The following CFAP263 variants were observed in gnomAD, a reference collection of about 807,000 sequenced individuals.
The protein encoded by CFAP263 is cilia and flagella associated protein 263, also known as cilia- and flagella-associated protein 263.
At chr16:58,252,618 A>T in the CFAP263 span, 3 of 877,808 alleles carry the variant, frequency 3.4e-6, no homozygotes, top group Non-Finnish European at 5.4e-6. Context: ...TGAGGAAACT[A>T]AGGCACCAAG....
chr16:58,282,993 G>A, the CFAP263 span: 3 of 152,350 alleles, frequency 2.0e-5, no homozygotes, highest in African/African-American at 7.2e-5. Context: ...AAGCACAAGA[G>A]GCAGAGGCGA....
the CFAP263 span, among the ~76,000 whole-genome samples, chr16:58,251,431 G>T: frequency 6.6e-6 from 1 of 152,108 alleles, no homozygotes; most frequent in Non-Finnish European, 1.5e-5. Flanking sequence ...TCGCTCTGTC[G>T]CCCAGGCTGA....
chr16:58,278,451 C>T, the CFAP263 span: 58 of 1,604,836 alleles, frequency 3.6e-5, 2 homozygotes, highest in Non-Finnish European at 2.1e-5. Context: ...TGCTGGGGTT[C>T]CCTGGGTGTA....
the CFAP263 span, among the ~76,000 whole-genome samples, chr16:58,268,699 G>A: frequency 6.6e-6 from 1 of 152,118 alleles, no homozygotes; most frequent in Non-Finnish European, 1.5e-5. Context: ...AGTACAGAGT[G>A]GCAAGTAGCA....
the CFAP263 span, chr16:58,278,562 C>G: frequency 6.2e-7 from 1 of 1,614,074 alleles, no homozygotes. Flanking sequence ...TGATGACTTA[C>G]GTCCGGGAGA....
the CFAP263 span, among the ~76,000 whole-genome samples, chr16:58,253,735 C>T: frequency 6.6e-6 from 1 of 152,206 alleles, no homozygotes; most frequent in African/African-American, 2.4e-5. Flanking sequence ...AGCCTTTCCA[C>T]CTTCAAGACG....
At chr16:58,265,335 CAG>C in the CFAP263 span, among the ~76,000 whole-genome samples, 2 of 152,190 alleles carry the variant, frequency 1.3e-5, no homozygotes, top group Admixed American at 1.3e-4. Flanking sequence ...TTTGAAAGAA[CAG>C]AGTTTCTCTG....
At chr16:58,279,674 CTT>C in the CFAP263 span, 11,130 of 1,357,136 alleles carry the variant, frequency 8.2e-3, 6 homozygotes, top group South Asian at 0.011. Context: ...TTCTTTTTTT[CTT>C]TTTTTTTTTT....
the CFAP263 span, chr16:58,278,492 A>G: frequency 3.1e-6 from 5 of 1,614,082 alleles, no homozygotes; most frequent in Admixed American, 8.3e-5. Flanking sequence ...GACCGGGCCA[A>G]AGCCGAGGCA....
the CFAP263 span, among the ~76,000 whole-genome samples, chr16:58,276,532 T>C: frequency 6.6e-6 from 1 of 152,166 alleles, no homozygotes; most frequent in Non-Finnish European, 1.5e-5. Context: ...ACCTACTAGA[T>C]GCCAGCAGCA....
the CFAP263 span, chr16:58,262,356 A>C: frequency 6.3e-7 from 1 of 1,583,774 alleles, no homozygotes; most frequent in Non-Finnish European, 8.6e-7. Context: ...CTGACGTATC[A>C]TCTTTTCTTT....
chr16:58,270,660 G>C, the CFAP263 span, among the ~76,000 whole-genome samples: 1 of 151,772 alleles, frequency 6.6e-6, no homozygotes, highest in East Asian at 1.9e-4. Context: ...TTGTGCTTTT[G>C]GTGTCATATA....
At chr16:58,274,630 T>C in the CFAP263 span, among the ~76,000 whole-genome samples, 6 of 152,198 alleles carry the variant, frequency 3.9e-5, no homozygotes, top group Admixed American at 3.3e-4. Context: ...CCTGCTACCT[T>C]GCGAAAATGT....
At chr16:58,260,063 C>A in the CFAP263 span, 1 of 587,238 alleles carries the variant, frequency 1.7e-6, no homozygotes, top group Non-Finnish European at 3.0e-6. Context: ...CATTAACTTA[C>A]ATGGCAAAAA....
At chr16:58,250,316 A>G in the CFAP263 span, 3 of 513,782 alleles carry the variant, frequency 5.8e-6, no homozygotes, top group Admixed American at 7.5e-5. Context: ...GGGCGAGGGG[A>G]TGGGGCCGGT....
the CFAP263 span, among the ~76,000 whole-genome samples, chr16:58,257,010 A>ATTT: frequency 2.0e-5 from 1 of 50,188 alleles, no homozygotes; most frequent in Non-Finnish European, 3.6e-5. Context: ...GCATATATGA[A>ATTT]TTTCTTTTTT....
chr16:58,275,422 CAAGG>C, the CFAP263 span, among the ~76,000 whole-genome samples: 16,375 of 151,950 alleles, frequency 0.11, 986 homozygotes, highest in Admixed American at 0.13. Context: ...ATTAAAATAC[CAAGG>C]AAGGTTTTTT....
At chr16:58,266,623 G>T in the CFAP263 span, among the ~76,000 whole-genome samples, 1 of 151,660 alleles carries the variant, frequency 6.6e-6, no homozygotes, top group Non-Finnish European at 1.5e-5. Flanking sequence ...CCTGGTGGGT[G>T]GGTTTTCAGG....
the CFAP263 span, chr16:58,254,163 C>T: frequency 6.2e-7 from 1 of 1,614,078 alleles, no homozygotes; most frequent in Non-Finnish European, 8.5e-7. Flanking sequence ...TCACGAGGTA[C>T]ACCTTCCTGC....
Sources: allele counts gnomAD v4.1 joint callset (sites outside exome capture counted in the v4.1 genomes callset), GRCh38; gene constraint gnomAD v4.1.1; transcripts MANE v1.5; gene names NCBI Gene and HGNC (gene_info 2026-07-23, HGNC 2026-07-21).